The following TRPM5 variants were observed in gnomAD, a reference collection of about 807,000 sequenced individuals.
TRPM5 encodes the protein transient receptor potential cation channel subfamily M member 5.
In TRPM5, 121 loss-of-function variants were observed where a neutral mutation model predicts 124.9. The ratio of observed to expected loss-of-function variants is 0.97; its 90% CI spans 0.84 to 1.13. The LOEUF (loss-of-function observed/expected upper bound fraction) is 1.13. TRPM5 is among the 50% of genes most tolerant of loss of function. The pLI is 0.00. For synonymous variants in TRPM5, 781 were observed against 700.5 expected (o/e 1.11, Z -1.81); for missense variants, 1,643 against 1,589.1 (o/e 1.03, Z -0.58).
intron 18 of TRPM5, among the ~76,000 whole-genome samples, chr11:2,408,469 A>T (rs907430813): frequency 2.0e-5 from 3 of 152,248 alleles, no homozygotes; most frequent in Non-Finnish European, 4.4e-5. Flanking sequence ...AGCAGGCTCC[A>T]GACTGGGCTT....
At chr11:2,431,641 G>A in the TRPM5 span, among the ~76,000 whole-genome samples, 7 of 152,062 alleles carry the variant, frequency 4.6e-5, no homozygotes, top group African/African-American at 1.7e-4. Context: ...AAGAAGCCTT[G>A]GAACCTTGGC....
intron 14 of TRPM5, 34 bp from the exon 20 acceptor site, chr11:2,413,046 G>A: frequency 6.3e-7 from 1 of 1,575,574 alleles, no homozygotes; most frequent in Non-Finnish European, 8.6e-7. Flanking sequence ...TGGTGAGGCT[G>A]GCGCCCAGCC....
chr11:2,418,530 C>T (rs1484035690), exon 5 of TRPM5: 4 of 1,610,764 alleles, frequency 2.5e-6, no homozygotes, highest in Non-Finnish European at 2.5e-6. Context: ...CCCCTACCTC[C>T]AAGGTGTTGG....
upstream of TRPM5, chr11:2,423,157 T>C: frequency 1.3e-6 from 1 of 780,234 alleles, no homozygotes; most frequent in Non-Finnish European, 2.1e-6. Context: ...CCAGCCAACA[T>C]GCACAAGGAG....
chr11:2,438,823 A>T, the TRPM5 span, among the ~76,000 whole-genome samples: 2 of 152,232 alleles, frequency 1.3e-5, no homozygotes, highest in African/African-American at 2.4e-5. This position sits in a 1 kb window ranked among gnomAD's most constrained non-coding sequence, Gnocchi z 5.9. Context: ...AATTAGAAAA[A>T]CTACTCTAAA....
Position 2,411,538 on chromosome 11 carries a change from AG to A in TRPM5, c.2608-13del, listed in dbSNP as rs762706881. The A allele has an allele frequency of 1.2e-6, 2 of 1,607,508 alleles. No homozygotes were observed. Among genetic ancestry groups the A allele is most frequent in the South Asian group, 2.2e-5 (2 of 90,886 alleles). ...AAGACGTCCTTCATCTCCACGGGGC[AG>A]GGGCAGAGAGAGGGACGTCAGCGGC... On this transcript the variant is annotated splice_polypyrimidine_tract_variant and intron_variant, in intron 17 of 23. Transcript: ENST00000155858.
At chr11:2,433,750 T>G in the TRPM5 span, among the ~76,000 whole-genome samples, 1 of 152,266 alleles carries the variant, frequency 6.6e-6, no homozygotes, top group Non-Finnish European at 1.5e-5. Context: ...CGTGTGCCTG[T>G]GTGTGTCACT....
intron 7 of TRPM5, among the ~76,000 whole-genome samples, chr11:2,416,238 G>A (rs902197484): frequency 1.3e-5 from 2 of 152,242 alleles, no homozygotes; most frequent in African/African-American, 2.4e-5. Flanking sequence ...GGTCTGCGTC[G>A]GGACGGCCCG....
At chr11:2,415,195 C>G in exon 9 of TRPM5, 2 of 1,583,998 alleles carry the variant, frequency 1.3e-6, no homozygotes, top group Non-Finnish European at 1.7e-6. Flanking sequence ...TCCTTGAGTA[C>G]GCGGGAGACC....
intron 4 of TRPM5, 141 bp downstream of exon 9, chr11:2,420,081 C>G (rs1157640130): frequency 2.9e-6 from 1 of 344,990 alleles, no homozygotes; most frequent in Non-Finnish European, 4.0e-6. Context: ...GCCCAGGTCT[C>G]GGTGCTCAGG....
chr11:2,407,090 C>G (rs1391292888), intron 20 of TRPM5, 29 bp downstream of exon 25: 1 of 1,043,038 alleles, frequency 9.6e-7, no homozygotes. Flanking sequence ...CGGCCTCACC[C>G]AGGTGCTCCC....
In TRPM5 at chr11:2,417,723, T is replaced by TAAACCCCCCCCA; in HGVS notation, c.1009+3_1009+4insTGGGGGGGGTTT. 3.0e-6 allele frequency: 1 copy of TAAACCCCCCCCA among 336,426 alleles called. No individual in the cohort carries two copies. Among genetic ancestry groups the TAAACCCCCCCCA allele is most frequent in the Non-Finnish European group, 5.3e-6 (1 of 188,608 alleles). 20.8% of individuals were successfully genotyped at this position (336,426 alleles called of 1,614,324 possible). A position where few individuals can be genotyped will look rare whatever the true frequency, so the allele number is the denominator to read the frequency against. ...CCTGCCTTGCCCACCCTGCCCGCCC[T>TAAACCCCCCCCA]CACCTTTCACCAGCGCCTTCAGGAT... On this transcript the variant is annotated splice_donor_region_variant and intron_variant, in intron 7 of 23. Transcript: ENST00000155858.
chr11:2,420,972 C>G (rs1245011534), intron 3 of TRPM5, 60 bp downstream of exon 8: 1 of 1,475,550 alleles, frequency 6.8e-7, no homozygotes, highest in Non-Finnish European at 9.0e-7. Flanking sequence ...CTGCCCAAAC[C>G]CTTCTGAGCC....
At chr11:2,415,325 C>G in exon 9 of TRPM5, 1 of 1,585,562 alleles carries the variant, frequency 6.3e-7, no homozygotes, top group Non-Finnish European at 8.5e-7. Flanking sequence ...AGAGCAGGCT[C>G]TTGCGTGACA....
chr11:2,408,811 C>G lies in TRPM5; in HGVS notation c.2783-899G>C, dbSNP rs377617409. 2.2e-4 allele frequency among the ~76,000 whole-genome samples: 33 copies of G among 152,348 alleles called. No individual in the cohort carries two copies. In the East Asian group the frequency reaches 6.2e-3, roughly 29 times the overall value. ...GGCCGTCCAGGACCACATATCCCCTCCATATCCGAATGGGAGCTCCGCTCT... is the reference window on the plus strand; with the variant it reads ...GGCCGTCCAGGACCACATATCCCCTGCATATCCGAATGGGAGCTCCGCTCT... On this transcript the variant is annotated intron_variant, in intron 18 of 23. Transcript: ENST00000155858.
exon 10 of TRPM5, chr11:2,415,006 C>T (rs766715452): frequency 5.6e-6 from 9 of 1,605,346 alleles, no homozygotes; most frequent in Non-Finnish European, 5.9e-6. Flanking sequence ...TCAGGTCCAG[C>T]AGCCACTTCT....
chr11:2,415,355 C>T, exon 9 of TRPM5: 1 of 1,586,104 alleles, frequency 6.3e-7, no homozygotes, highest in Non-Finnish European at 8.5e-7. Flanking sequence ...AGAGCTCCTG[C>T]AGCCGCCCAT....
intron 21 of TRPM5, 117 bp from the exon 27 acceptor site, chr11:2,406,208 T>C: frequency 9.4e-7 from 1 of 1,062,350 alleles, no homozygotes. Context: ...CCTGGCCCTT[T>C]CCCTTCCTCC....
chr11:2,412,056 A>G, intron 16 of TRPM5, 79 bp downstream of exon 21: 6 of 1,284,352 alleles, frequency 4.7e-6, no homozygotes, highest in Non-Finnish European at 5.6e-6. Context: ...TGCCACCGCC[A>G]CACCCAACCT....
Sources: gnomAD v4.1 joint callset for allele counts (sites outside exome capture counted in the v4.1 genomes callset) on GRCh38, gnomAD v4.1.1 for gene constraint, Gnocchi (gnomAD v3.1) non-coding constraint, MANE v1.5 for transcripts, NCBI Gene and HGNC (gene_info 2026-07-23, HGNC 2026-07-21) for gene names.